The following RANGAP1 variants were observed in gnomAD, a reference collection of about 807,000 sequenced individuals.
RANGAP1 encodes Ran GTPase activating protein 1.
In RANGAP1, 38 loss-of-function variants were observed where a neutral mutation model predicts 63.5. The observed-to-expected ratio is 0.60, with a 90% CI of 0.46 to 0.78. RANGAP1 has a LOEUF of 0.78. RANGAP1 is among the 30% of genes least tolerant of loss of function. The pLI is 0.00. For missense variants in RANGAP1, 630 were observed against 740.3 expected (o/e 0.85, Z 1.73); for synonymous variants, 329 against 310.5 (o/e 1.06, Z -0.63).
At chr22:41,272,343 C>G (rs374474714) in intron 3 of RANGAP1, among the ~76,000 whole-genome samples, 2 of 152,150 alleles carry the variant, frequency 1.3e-5, no homozygotes, top group East Asian at 1.9e-4. Context: ...GTTAACTTGA[C>G]CATGACCTTC....
At chr22:41,274,537 T>C in intron 3 of RANGAP1, 63 bp downstream of exon 3, 1 of 1,599,162 alleles carries the variant, frequency 6.3e-7, no homozygotes, top group Non-Finnish European at 8.5e-7. Context: ...AGGCAGGGGT[T>C]GTGGAAGTGT....
At position 41,254,462 on chromosome 22, in the gene RANGAP1, C is replaced by T. The variant is rs998798853; in HGVS notation, c.1106G>A (p.Gly369Glu). 16 of 1,606,260 alleles carry T rather than the reference C, an allele frequency of 1.0e-5. No individual in the cohort carries two copies. Among genetic ancestry groups the T allele is most frequent in the Non-Finnish European group, 1.4e-5 (16 of 1,177,634 alleles). The change falls in exon 11 of 16, where the codon GGA (glycine) becomes GAA (glutamate). Residue 369 changes from glycine to glutamate, a missense_variant. Around this residue, in one of 3 missense-constraint regions of RANGAP1, gnomAD observed 428 missense variants for 465.5 expected, o/e 0.92. Coordinates refer to ENST00000356244, the MANE Select transcript of RANGAP1 (RefSeq NM_002883.4). ...DDEDEEEEEEGEEEEEEAEEE... is the reference protein window; with the variant it reads ...DDEDEEEEEEEEEEEEEAEEE... ...TTCTGCTTCCTCTTCTTCCTCTTCT[C>T]CTTCCTCCTCCTCCTCCTCGTCCTC...
At chr22:41,290,935 A>G (rs1370864254), upstream of RANGAP1, among the ~76,000 whole-genome samples, 1 of 152,160 alleles carries the variant, frequency 6.6e-6, no homozygotes, top group African/African-American at 2.4e-5. Context: ...CCCTGGAGAG[A>G]GATGGGTCAG....
At chr22:41,298,325 G>T in the RANGAP1 span, among the ~76,000 whole-genome samples, 3 of 151,212 alleles carry the variant, frequency 2.0e-5, no homozygotes, top group African/African-American at 7.3e-5. Context: ...TGTTGTTGTT[G>T]TTGTTTTGAG....
In RANGAP1 at chr22:41,254,347, T is replaced by C; in HGVS notation, c.1221A>G (p.Ser407=). The C allele has an allele frequency of 6.2e-7, 1 of 1,614,174 alleles. No individual in the cohort carries two copies. Among genetic ancestry groups the C allele is most frequent in the Non-Finnish European group, 8.5e-7 (1 of 1,180,026 alleles). Residue 407 remains serine, a synonymous_variant, in exon 11 of 16, where the codon TCA becomes TCG. Transcript: ENST00000356244. ...CCAGAATCTTCCGTGAGGGCGTGGC[T>C]GACTTCTCTCCCTGCCCTCGCTGCT... The part of the protein sequence containing the change: ...EPQQRGQGEK[S]ATPSRKILDP...
At chr22:41,294,664 C>G in the RANGAP1 span, among the ~76,000 whole-genome samples, 1 of 142,142 alleles carries the variant, frequency 7.0e-6, no homozygotes, top group Non-Finnish European at 1.5e-5. Flanking sequence ...TCTGCCCGGC[C>G]GCCCATCGTC....
chr22:41,261,821 C>T (rs924981401), intron 5 of RANGAP1, among the ~76,000 whole-genome samples: 6 of 152,170 alleles, frequency 3.9e-5, no homozygotes, highest in African/African-American at 1.2e-4. Flanking sequence ...ACTTTCGAGA[C>T]GGGGAGACCA....
At chr22:41,261,653 A>G (rs2145743080) in intron 5 of RANGAP1, 73 bp from the exon 6 acceptor site, 1 of 1,594,574 alleles carries the variant, frequency 6.3e-7, no homozygotes, top group East Asian at 2.2e-5. Context: ...ACTGCTGCTG[A>G]ACTGCTCTTC....
intron 2 of RANGAP1, among the ~76,000 whole-genome samples, chr22:41,275,311 G>A (rs2145819058): frequency 6.6e-6 from 1 of 152,010 alleles, no homozygotes; most frequent in South Asian, 2.1e-4. Context: ...TGGGCAACAT[G>A]GTGAAACTCT....
chr22:41,268,704 C>T (rs1343222957), intron 3 of RANGAP1, among the ~76,000 whole-genome samples: 1 of 152,136 alleles, frequency 6.6e-6, no homozygotes, highest in Non-Finnish European at 1.5e-5. Flanking sequence ...TTGTACAACC[C>T]TCTAGGTGGA....
intron 15 of RANGAP1, among the ~76,000 whole-genome samples, chr22:41,248,852 T>G (rs1047154349): frequency 1.3e-5 from 2 of 152,178 alleles, no homozygotes; most frequent in African/African-American, 4.8e-5. Context: ...CCCGTGGCAA[T>G]GTGTGTCCCC....
intron 1 of RANGAP1, 94 bp from the exon 2 acceptor site, chr22:41,281,176 C>G (rs1378575660): frequency 2.3e-6 from 3 of 1,296,468 alleles, no homozygotes; most frequent in Non-Finnish European, 2.1e-6. Flanking sequence ...GAGTCTGACC[C>G]TACCTCCCCT....
At chr22:41,247,122 C>A (rs2033096022) in intron 15 of RANGAP1, among the ~76,000 whole-genome samples, 1 of 151,908 alleles carries the variant, frequency 6.6e-6, no homozygotes, top group Non-Finnish European at 1.5e-5. Context: ...GTGGTGCGAT[C>A]TCGGCTCACT....
At chr22:41,277,782 G>A (rs776891974) in intron 2 of RANGAP1, among the ~76,000 whole-genome samples, 2 of 152,114 alleles carry the variant, frequency 1.3e-5, no homozygotes, top group African/African-American at 2.4e-5. Flanking sequence ...GACTTCCTGG[G>A]TGCTCTTAAA....
At chr22:41,250,304 C>T (rs2033352530) in intron 13 of RANGAP1, among the ~76,000 whole-genome samples, 1 of 152,232 alleles carries the variant, frequency 6.6e-6, no homozygotes. Context: ...AGCCTCATTT[C>T]CCACTGAGCC....
At chr22:41,265,443 G>A (rs1199283667) in intron 4 of RANGAP1, among the ~76,000 whole-genome samples, 1 of 152,232 alleles carries the variant, frequency 6.6e-6, no homozygotes, top group African/African-American at 2.4e-5. Context: ...TGGCAACAGA[G>A]GGGACCTGCC....
the RANGAP1 span, among the ~76,000 whole-genome samples, chr22:41,299,253 C>T: frequency 6.6e-6 from 1 of 152,094 alleles, no homozygotes; most frequent in Non-Finnish European, 1.5e-5. Flanking sequence ...CTGCCTCAGC[C>T]TCCCGAGTAG....
In RANGAP1 at chr22:41,257,833, G is replaced by C; in HGVS notation, c.774+115C>G. The stretch of plus-strand genomic sequence containing the variant: ...GCTGGAGCCATGGGGCACACACCCA[G>C]GGGGCAGGCAGGGGGTAGAGGAGTC... On this transcript the variant is annotated intron_variant, in intron 7 of 15. Coordinates refer to ENST00000356244, the MANE Select transcript of RANGAP1 (RefSeq NM_002883.4). This position sits in a 1 kb window ranked among gnomAD's most constrained non-coding sequence, Gnocchi z 4.0. 7.8e-7 allele frequency: 1 copy of C among 1,280,930 alleles called. No individual in the cohort carries two copies. The highest frequency in any genetic ancestry group is 1.5e-5 in the South Asian group (1 of 65,246). 79.3% of individuals were successfully genotyped at this position (1,280,930 alleles called of 1,614,324 possible). A position where few individuals can be genotyped will look rare whatever the true frequency, so the allele number is the denominator to read the frequency against.
At chr22:41,246,777 G>A (rs564897278) in intron 15 of RANGAP1, 105 bp from the exon 16 acceptor site, 6 of 1,072,842 alleles carry the variant, frequency 5.6e-6, no homozygotes, top group South Asian at 2.8e-5. Flanking sequence ...TTTGCACAAC[G>A]ACTCAGCAAG....
Sources: allele counts gnomAD v4.1 joint callset (sites outside exome capture counted in the v4.1 genomes callset), GRCh38; gene constraint gnomAD v4.1.1; regional missense constraint gnomAD v4.1.1; non-coding constraint Gnocchi (gnomAD v3.1); transcripts MANE v1.5; gene names NCBI Gene and HGNC (gene_info 2026-07-23, HGNC 2026-07-21).